The following RTL9 variants were observed in gnomAD, a reference collection of about 807,000 sequenced individuals.
RTL9 encodes retrotransposon Gag like 9.
In RTL9, 19 loss-of-function variants were observed where a neutral mutation model predicts 44.7. The ratio of observed to expected loss-of-function variants is 0.42; its 90% CI spans 0.30 to 0.62. The LOEUF is 0.62. Among genes scored for constraint, RTL9 ranks in the 20% least tolerant of loss-of-function variants. The probability of loss-of-function intolerance (pLI) is 0.16; values close to 1 mark genes in which losing one functional copy is unlikely to be tolerated. For synonymous variants in RTL9, 407 were observed against 398.9 expected, an observed-to-expected ratio of 1.02 and a Z score of -0.24; for missense variants, 1,105 against 1,080.6, an observed-to-expected ratio of 1.02 and a Z score of -0.32.
chrX:110,383,984 T>G (rs2068437533), intron 1 of RTL9, among the ~76,000 whole-genome samples: 1 of 112,421 alleles, frequency 8.9e-6, no homozygotes, highest in South Asian at 3.7e-4. Context: ...AATAAGATGA[T>G]ACTTGTAAAA....
At chrX:110,424,061 C>T (rs1386782575) in intron 1 of RTL9, among the ~76,000 whole-genome samples, 1 of 111,704 alleles carries the variant, frequency 9.0e-6, no homozygotes, top group Non-Finnish European at 1.9e-5. Context: ...ATTTCATCCT[C>T]ACCACAAAGC....
intron 1 of RTL9, among the ~76,000 whole-genome samples, chrX:110,392,946 A>G (rs1480826014): frequency 8.9e-6 from 1 of 112,349 alleles, no homozygotes; most frequent in East Asian, 2.8e-4. Context: ...ATTAGAAAGC[A>G]TATGGCTAAA....
At chrX:110,378,559 T>C (rs1414479386) in intron 1 of RTL9, among the ~76,000 whole-genome samples, 1 of 112,436 alleles carries the variant, frequency 8.9e-6, no homozygotes, top group Non-Finnish European at 1.9e-5. Context: ...ATCTTTCTTT[T>C]CTAGCTTCTT....
chrX:110,434,827 C>T (rs1318612199), intron 1 of RTL9, among the ~76,000 whole-genome samples: 1 of 110,377 alleles, frequency 9.1e-6, no homozygotes, highest in Non-Finnish European at 1.9e-5. Flanking sequence ...GGGGTTTCTC[C>T]TCTCCCATTT....
At chrX:110,387,589 A>G (rs1006225851) in intron 1 of RTL9, among the ~76,000 whole-genome samples, 4 of 111,575 alleles carry the variant, frequency 3.6e-5, no homozygotes, top group African/African-American at 1.3e-4. Context: ...TTGGGAATGT[A>G]TGGTATTATA....
intron 1 of RTL9, among the ~76,000 whole-genome samples, chrX:110,407,057 G>A (rs756963630): frequency 4.5e-5 from 5 of 111,430 alleles, no homozygotes; most frequent in Non-Finnish European, 5.6e-5. Context: ...CTGGTATTGC[G>A]CAAACGCTGC....
chrX:110,387,241 A>G (rs1282284074), intron 1 of RTL9, among the ~76,000 whole-genome samples: 1 of 112,396 alleles, frequency 8.9e-6, no homozygotes, highest in African/African-American at 3.2e-5. Context: ...CACCTTTCCA[A>G]TGAAGACTTA....
At chrX:110,378,143 A>G (rs910044563) in intron 1 of RTL9, among the ~76,000 whole-genome samples, 5 of 110,112 alleles carry the variant, frequency 4.5e-5, no homozygotes, top group Non-Finnish European at 9.5e-5. Context: ...TATTCTGCCC[A>G]TTTTTTTGGC....
intron 1 of RTL9, among the ~76,000 whole-genome samples, chrX:110,368,931 G>T (rs2068317089): frequency 8.9e-6 from 1 of 112,117 alleles, no homozygotes; most frequent in African/African-American, 3.2e-5. Context: ...GCCAAACTCT[G>T]TGACACTGCA....
chrX:110,410,929 C>G (rs1340315940), intron 1 of RTL9, among the ~76,000 whole-genome samples: 1 of 112,363 alleles, frequency 8.9e-6, no homozygotes, highest in Non-Finnish European at 1.9e-5. Flanking sequence ...AATGCCAAAT[C>G]TCTTTATTTA....
chrX:110,406,740 C>T (rs1161088066), intron 1 of RTL9, among the ~76,000 whole-genome samples: 3 of 112,160 alleles, frequency 2.7e-5, no homozygotes, highest in Non-Finnish European at 5.6e-5. Flanking sequence ...AAGCATTCCT[C>T]TTTTTGGTTC....
chrX:110,387,088 G>A (rs1016319772), intron 1 of RTL9, among the ~76,000 whole-genome samples: 1 of 112,068 alleles, frequency 8.9e-6, no homozygotes, highest in Non-Finnish European at 1.9e-5. Flanking sequence ...TAAGCAGTCT[G>A]TAATTAACTA....
chrX:110,414,251 C>G (rs1381231946), upstream of RTL9, among the ~76,000 whole-genome samples: 1 of 112,252 alleles, frequency 8.9e-6, no homozygotes, highest in Non-Finnish European at 1.9e-5. Context: ...TCAGCGGGGC[C>G]CTCAACTCAG....
chrX:110,426,932 T>C (rs1429140731), intron 1 of RTL9: 1 of 112,535 alleles, frequency 8.9e-6, no homozygotes, highest in Non-Finnish European at 1.9e-5. Flanking sequence ...CACATTTAAC[T>C]TTTTGTTACA....
chrX:110,365,959 G>A (rs2068294443), intron 1 of RTL9, among the ~76,000 whole-genome samples: 1 of 111,557 alleles, frequency 9.0e-6, no homozygotes, highest in Admixed American at 9.5e-5. Context: ...GAAAACTAGG[G>A]AATTAGCTGT....
At chrX:110,424,270 G>T (rs185309305) in intron 1 of RTL9, among the ~76,000 whole-genome samples, 1 of 111,630 alleles carries the variant, frequency 9.0e-6, no homozygotes, top group African/African-American at 3.3e-5. Context: ...TTCATCCTTA[G>T]AAAAGTTTTC....
chrX:110,447,302 TA>T (rs2068914162), upstream of RTL9, among the ~76,000 whole-genome samples: 2 of 108,493 alleles, frequency 1.8e-5, no homozygotes, highest in Admixed American at 9.9e-5. Flanking sequence ...GCTCACAGGG[TA>T]ATTGTCAAGA....
intron 1 of RTL9, among the ~76,000 whole-genome samples, chrX:110,388,003 A>G (rs1330314511): frequency 9.2e-6 from 1 of 108,997 alleles, no homozygotes; most frequent in Non-Finnish European, 1.9e-5. Flanking sequence ...CTGGGACAAC[A>G]GGCGCCCGCC....
intron 1 of RTL9, among the ~76,000 whole-genome samples, chrX:110,398,382 C>T (rs955665140): frequency 8.9e-6 from 1 of 112,409 alleles, no homozygotes; most frequent in Non-Finnish European, 1.9e-5. Context: ...CATTTACTCT[C>T]CACAACTCCT....
Sources: gnomAD v4.1 joint callset for allele counts (sites outside exome capture counted in the v4.1 genomes callset) on GRCh38, gnomAD v4.1.1 for gene constraint, MANE v1.5 for transcripts, NCBI Gene and HGNC (gene_info 2026-07-23, HGNC 2026-07-21) for gene names.